Variants in PRMT1 observed in about 807,000 individuals in gnomAD.
The protein encoded by PRMT1 is protein arginine methyltransferase 1, also known as protein arginine N-methyltransferase 1.
A neutral mutation model predicts 47.4 loss-of-function variants in PRMT1; 5 were observed. The ratio of observed to expected loss-of-function variants is 0.11; its 90% CI spans 0.06 to 0.22. PRMT1 has a LOEUF of 0.22. PRMT1 is among the 10% of genes least tolerant of loss of function. PRMT1 has a pLI of 1.00. For missense variants in PRMT1, 249 were observed against 518.4 expected (o/e 0.48, Z 5.05); for synonymous variants, 227 against 204.6 (o/e 1.11, Z -0.94).
chr19:49,677,515 C>T, intron 1 of PRMT1, 199 bp downstream of exon 1: 1 of 428,720 alleles, frequency 2.3e-6, no homozygotes, highest in East Asian at 3.6e-5. Context: ...CGGCATCCGG[C>T]CTAGCGGAGG....
chr19:49,687,521 C>CCT (rs949892835), intron 10 of PRMT1, among the ~76,000 whole-genome samples: 7 of 151,886 alleles, frequency 4.6e-5, no homozygotes, highest in Non-Finnish European at 5.9e-5. Flanking sequence ...CCCGCCCCCC[C>CCT]CCAGGACGTT....
chr19:49,687,783 G>T, intron 10 of PRMT1: 1 of 298,806 alleles, frequency 3.3e-6, no homozygotes, highest in Non-Finnish European at 6.6e-6. Context: ...GAGAGGAAGT[G>T]GAGACAGCAG....
In PRMT1 at chr19:49,685,099, G is replaced by C; in HGVS notation, c.759+62G>C. 1 of 1,608,182 alleles carries C rather than the reference G, an allele frequency of 6.2e-7. No individual in the cohort carries two copies. Among genetic ancestry groups the C allele is most frequent in the East Asian group, 2.2e-5 (1 of 44,718 alleles). On this transcript the variant is annotated intron_variant, in intron 8 of 10. Coordinates refer to ENST00000454376, the MANE Select transcript of PRMT1 (RefSeq NM_001536.6). The surrounding 1 kb of genome is among the most constrained non-coding windows in gnomAD (Gnocchi z 4.7). ...GAAACCAAAGAGAGGCCATCACCTG[G>C]CCCTGGCATGGGACTTTGGGGCCCA...
At chr19:49,677,411 G>C in intron 1 of PRMT1, 95 bp downstream of exon 1, 4 of 1,126,952 alleles carry the variant, frequency 3.5e-6, no homozygotes, top group Non-Finnish European at 4.7e-6. Context: ...TGGCGATATG[G>C]GGTTGGAGGT....
chr19:49,676,755 G>T (rs745837141), upstream of PRMT1, among the ~76,000 whole-genome samples: 23 of 152,162 alleles, frequency 1.5e-4, no homozygotes, highest in Non-Finnish European at 2.4e-4. Flanking sequence ...CTGAAGCCCC[G>T]CCTTCTTCCC....
chr19:49,677,038 C>G (rs2082044853), upstream of PRMT1: 7 of 395,934 alleles, frequency 1.8e-5, no homozygotes, highest in Non-Finnish European at 3.1e-5. Context: ...TTTCCCCATC[C>G]CGGGTCGACT....
Position 49,680,541 on chromosome 19 carries a change from T to G in PRMT1, c.145T>G (p.Ser49Ala). 6.2e-7 allele frequency: 1 copy of G among 1,613,994 alleles called. No homozygotes were observed. The highest frequency in any genetic ancestry group is 8.5e-7 in the Non-Finnish European group (1 of 1,179,966). The change falls in exon 3 of 11, where the codon TCC becomes GCC. Residue 49 changes from serine (S) to alanine (A), a missense_variant. Transcript: ENST00000454376. This position sits in a 1 kb window ranked among gnomAD's most constrained non-coding sequence, Gnocchi z 4.2. ...GAAGCCCAACGCTGAGGACATGACA[T>G]CCAAAGATTACTACTTTGACTCCTA... is the stretch of plus-strand genomic sequence containing the variant. ...SEKPNAEDMT[S>A]KDYYFDSYAH...
chr19:49,679,710 C>G, intron 1 of PRMT1, 162 bp from the exon 2 acceptor site: 2 of 662,690 alleles, frequency 3.0e-6, no homozygotes, highest in South Asian at 1.6e-5. Flanking sequence ...CCCACCCTTT[C>G]TTAAACACCC....
chr19:49,682,145 G>T (rs751319355), intron 4 of PRMT1, 51 bp from the exon 5 acceptor site: 1 of 1,613,796 alleles, frequency 6.2e-7, no homozygotes, highest in East Asian at 2.2e-5. Flanking sequence ...TTGGATGGAG[G>T]TGATGGGGGC....
chr19:49,685,171 G>A lies in PRMT1; in HGVS notation c.759+134G>A. 1 of 1,551,114 alleles carries A rather than the reference G, an allele frequency of 6.4e-7. No homozygotes were observed. Among genetic ancestry groups the A allele is most frequent in the Non-Finnish European group, 8.7e-7 (1 of 1,149,638 alleles). On this transcript the variant is annotated intron_variant, in intron 8 of 10. Transcript: ENST00000454376. The surrounding 1 kb of genome is among the most constrained non-coding windows in gnomAD (Gnocchi z 4.7). ...GAGCCTGATCTGCCAGCCAGAGGTGGTGCTAGAGGCCCAGGAAAGACACTT... is the reference window on the plus strand; with the variant it reads ...GAGCCTGATCTGCCAGCCAGAGGTGATGCTAGAGGCCCAGGAAAGACACTT...
intron 1 of PRMT1, 56 bp downstream of exon 1, chr19:49,677,372 G>A (rs562136470): frequency 5.2e-6 from 7 of 1,342,094 alleles, no homozygotes; most frequent in East Asian, 5.6e-5. Flanking sequence ...GGTGTTTCAC[G>A]CCTCTGTGGT....
chr19:49,686,067 G>A (rs757848287), intron 8 of PRMT1, 26 bp from the exon 9 acceptor site: 18 of 1,603,924 alleles, frequency 1.1e-5, no homozygotes, highest in Admixed American at 1.7e-5. Context: ...GACGCATCCC[G>A]GAGCTCGCCC....
chr19:49,678,259 G>A (rs1599935556), intron 1 of PRMT1: 2 of 152,298 alleles, frequency 1.3e-5, no homozygotes, highest in Admixed American at 6.5e-5. Context: ...TATCTCCCCC[G>A]GGTCTTTGTG....
At position 49,684,771 on chromosome 19, in the gene PRMT1, C is replaced by T; in HGVS notation, c.573C>T (p.Ile191=). The part of the protein sequence containing the change: ...RDKWLAPDGL[I]FPDRATLYVT... ...CTCTGTAGGCGCCCGATGGCCTCAT[C>T]TTCCCAGACCGGGCCACGCTGTATG... Residue 191 remains isoleucine, a synonymous_variant, in exon 7 of 11, where the codon ATC becomes ATT. Transcript: ENST00000454376. The surrounding 1 kb of genome is among the most constrained non-coding windows in gnomAD (Gnocchi z 6.2). 2 of 1,560,932 alleles carry T rather than the reference C, an allele frequency of 1.3e-6. No homozygotes were observed. Among genetic ancestry groups the T allele is most frequent in the Non-Finnish European group, 1.7e-6 (2 of 1,152,310 alleles).
rs1167635278 is a variant in PRMT1 at position 49,680,451 on chromosome 19, C to T, written c.91-36C>T. On this transcript the variant is annotated intron_variant, in intron 2 of 10. Coordinates refer to ENST00000454376, the MANE Select transcript of PRMT1 (RefSeq NM_001536.6). The surrounding 1 kb of genome is among the most constrained non-coding windows in gnomAD (Gnocchi z 4.2). ...GGTTTAAGAGGCTGTGGGGAGCCCC[C>T]AGATCTGACCCATGATCCCATCGGC... The T allele has an allele frequency of 1.3e-6, 2 of 1,536,404 alleles. No individual in the cohort carries two copies. Among genetic ancestry groups the T allele is most frequent in the Admixed American group, 3.3e-5 (2 of 59,890 alleles).
chr19:49,686,405 C>T (rs2047889008), intron 9 of PRMT1, among the ~76,000 whole-genome samples, 162 bp downstream of exon 9: 1 of 152,096 alleles, frequency 6.6e-6, no homozygotes, highest in Admixed American at 6.5e-5. Flanking sequence ...GGGCAAGTGA[C>T]CTGAGTGTGC....
Position 49,680,504 on chromosome 19 carries a change from G to T in PRMT1, c.108G>T (p.Ala36=), listed in dbSNP as rs369225266. 7 of 1,613,880 alleles carry T rather than the reference G, an allele frequency of 4.3e-6. No homozygotes were observed. The African/African-American group carries it at 6.7e-5, about 15-fold the overall frequency. ...PPLEEVSCGQ[A]ESSEKPNAED... is the part of the protein sequence containing the mutation. The stretch of plus-strand genomic sequence containing the variant: ...CCTCCCAGGTGTCCTGTGGCCAGGC[G>T]GAAAGCAGTGAGAAGCCCAACGCTG... The change falls in exon 3 of 11, where the codon GCG becomes GCT. Residue 36 remains alanine (A), a synonymous_variant. Coordinates refer to ENST00000454376, the MANE Select transcript of PRMT1 (RefSeq NM_001536.6). This position sits in a 1 kb window ranked among gnomAD's most constrained non-coding sequence, Gnocchi z 4.2.
rs2082099443 is a variant in PRMT1, at chr19:49,680,388, G to A, written c.91-99G>A. 2 of 1,164,332 alleles carry A rather than the reference G, an allele frequency of 1.7e-6. No homozygotes were observed. Among genetic ancestry groups the A allele is most frequent in the Non-Finnish European group, 2.6e-6 (2 of 781,886 alleles). 72.1% of individuals were successfully genotyped at this position (1,164,332 alleles called of 1,614,324 possible). A position where few individuals can be genotyped will look rare whatever the true frequency, so the allele number is the denominator to read the frequency against. ...GGGTTGTCATGGTATGATTTTGGGG[G>A]TTCTATACTACTCTTCAGGGAAAAG... On this transcript the variant is annotated intron_variant, in intron 2 of 10. Coordinates refer to ENST00000454376, the MANE Select transcript of PRMT1 (RefSeq NM_001536.6). The surrounding 1 kb of genome is among the most constrained non-coding windows in gnomAD (Gnocchi z 4.2).
Position 49,686,246 on chromosome 19 carries a change from G to T in PRMT1, c.910+3G>T. ...CAAGAGGACCGGCTTCTCCACCAGT[G>T]AGGCGGGGCCCACAGGGCTGGGGGC... On this transcript the variant is annotated splice_donor_region_variant and intron_variant, in intron 9 of 10. Coordinates refer to ENST00000454376, the MANE Select transcript of PRMT1 (RefSeq NM_001536.6). 1 of 1,591,092 alleles carries T rather than the reference G, an allele frequency of 6.3e-7. No individual in the cohort carries two copies. The highest frequency in any genetic ancestry group is 1.1e-5 in the South Asian group (1 of 88,300).
Sources: gnomAD v4.1 joint callset for allele counts (sites outside exome capture counted in the v4.1 genomes callset) on GRCh38, gnomAD v4.1.1 for gene constraint, Gnocchi (gnomAD v3.1) non-coding constraint, MANE v1.5 for transcripts, NCBI Gene and HGNC (gene_info 2026-07-23, HGNC 2026-07-21) for gene names.